The following ARL6IP6 variants were observed in gnomAD, a reference collection of about 807,000 sequenced individuals.
The protein encoded by ARL6IP6 is ADP-ribosylation factor-like protein 6-interacting protein 6.
In ARL6IP6, 22 loss-of-function variants were observed where a neutral mutation model predicts 21.5. The ratio of observed to expected loss-of-function variants is 1.02; its 90% CI spans 0.73 to 1.46. The LOEUF is 1.46. Among genes scored for constraint, ARL6IP6 ranks in the 40% most tolerant of loss-of-function variants. The pLI, the probability that ARL6IP6 is intolerant of heterozygous loss-of-function variation, is 0.00. For missense variants in ARL6IP6, 388 were observed against 299.8 expected (o/e 1.29, Z -2.17); for synonymous variants, 164 against 125.3 (o/e 1.31, Z -2.06).
chr2:152,722,794 C>A (rs1302053267), intron 2 of ARL6IP6, among the ~76,000 whole-genome samples: 1 of 152,042 alleles, frequency 6.6e-6, no homozygotes, highest in African/African-American at 2.4e-5. Flanking sequence ...TGTAATCCCA[C>A]CTACTCGGGA....
chr2:152,752,281 AC>A (rs1437237806), intron 3 of ARL6IP6, among the ~76,000 whole-genome samples: 1 of 152,188 alleles, frequency 6.6e-6, no homozygotes, highest in Non-Finnish European at 1.5e-5. Context: ...AATAATAAGA[AC>A]CATTTTGGAA....
upstream of ARL6IP6, chr2:152,717,805 G>A (rs965498326): frequency 3.5e-5 from 41 of 1,161,052 alleles, no homozygotes; most frequent in East Asian, 8.0e-4. Flanking sequence ...CACCCTCCCC[G>A]CCCGAGTTAC....
chr2:152,747,843 T>C (rs888396199), intron 3 of ARL6IP6, among the ~76,000 whole-genome samples: 1 of 152,256 alleles, frequency 6.6e-6, no homozygotes, highest in South Asian at 2.1e-4. Flanking sequence ...AGTGCTAGGA[T>C]TGCAGGCGTG....
chr2:152,742,559 G>A (rs1700862148), intron 3 of ARL6IP6, among the ~76,000 whole-genome samples: 1 of 121,824 alleles, frequency 8.2e-6, no homozygotes, highest in African/African-American at 3.1e-5. Context: ...GACAGAGCAA[G>A]ATACGCTCTT....
chr2:152,745,094 G>A (rs569189539), intron 3 of ARL6IP6, among the ~76,000 whole-genome samples: 1 of 152,112 alleles, frequency 6.6e-6, no homozygotes, highest in African/African-American at 2.4e-5. Flanking sequence ...AAAATACTTT[G>A]ACATGTGAAT....
chr2:152,740,332 C>A (rs1056367112), intron 3 of ARL6IP6, among the ~76,000 whole-genome samples: 5 of 152,128 alleles, frequency 3.3e-5, no homozygotes, highest in African/African-American at 4.8e-5. Context: ...ACCCTGAGTT[C>A]AAGCAGCCTG....
At chr2:152,731,451 G>A (rs957037501) in intron 2 of ARL6IP6, among the ~76,000 whole-genome samples, 12 of 152,196 alleles carry the variant, frequency 7.9e-5, no homozygotes, top group South Asian at 4.1e-4. Context: ...TTGATAATTC[G>A]TAAGTCATCT....
intron 2 of ARL6IP6, among the ~76,000 whole-genome samples, chr2:152,723,321 G>C (rs537629369): frequency 6.6e-6 from 1 of 152,278 alleles, no homozygotes; most frequent in East Asian, 1.9e-4. Context: ...AGATGATAAC[G>C]ATTTTATTAT....
At chr2:152,756,305 AAC>A (rs1475685211) in intron 3 of ARL6IP6, among the ~76,000 whole-genome samples, 20 of 152,298 alleles carry the variant, frequency 1.3e-4, no homozygotes, top group Middle Eastern at 3.4e-3. Flanking sequence ...AGTGTCCTAT[AAC>A]ACAAAAAATA....
upstream of ARL6IP6, chr2:152,717,976 T>C: frequency 1.0e-6 from 1 of 1,001,398 alleles, no homozygotes; most frequent in Non-Finnish European, 1.2e-6. Flanking sequence ...AGGAGAGGGT[T>C]CGATCTCCGT....
At chr2:152,721,577 T>C (rs1699792046) in intron 2 of ARL6IP6, among the ~76,000 whole-genome samples, 1 of 152,222 alleles carries the variant, frequency 6.6e-6, no homozygotes, top group Non-Finnish European at 1.5e-5. Flanking sequence ...GGAGGGGAGA[T>C]CAAACTTAAT....
Position 152,759,858 on chromosome 2 carries a change from ATTG to A in ARL6IP6, c.*22_*24del. On this transcript the variant is annotated 3_prime_UTR_variant, in exon 4 of 4. Transcript: ENST00000326446. Reference sequence around the variant, plus strand: ...TCATGTAAACCCACACTGGAGCGATATTGTTGGCAAAACTTAATCATGATTGTT... The same window carrying A: ...TCATGTAAACCCACACTGGAGCGATATTGGCAAAACTTAATCATGATTGTT... 6.3e-7 allele frequency: 1 copy of A among 1,587,838 alleles called. No individual in the cohort carries two copies. Among genetic ancestry groups the A allele is most frequent in the Non-Finnish European group, 8.6e-7 (1 of 1,156,584 alleles).
intron 2 of ARL6IP6, among the ~76,000 whole-genome samples, chr2:152,724,995 A>C (rs1294057471): frequency 1.3e-5 from 2 of 152,194 alleles, no homozygotes. Context: ...GAAGTAACTT[A>C]ATTGGCTGTA....
chr2:152,724,662 G>A (rs1699953640), intron 2 of ARL6IP6, among the ~76,000 whole-genome samples: 1 of 152,178 alleles, frequency 6.6e-6, no homozygotes, highest in Non-Finnish European at 1.5e-5. Context: ...CAACTTTGGT[G>A]GTTGGGAGGG....
chr2:152,758,553 A>G (rs1211658335), intron 3 of ARL6IP6, among the ~76,000 whole-genome samples: 8 of 152,190 alleles, frequency 5.3e-5, no homozygotes, highest in African/African-American at 1.9e-4. Flanking sequence ...ATAGGTAGGT[A>G]GATTAACCCT....
chr2:152,753,899 C>T (rs1701454978), intron 3 of ARL6IP6, among the ~76,000 whole-genome samples: 1 of 152,126 alleles, frequency 6.6e-6, no homozygotes, highest in South Asian at 2.1e-4. Context: ...GACGGGGTTT[C>T]ACCATGTTAG....
upstream of ARL6IP6, chr2:152,717,960 G>T (rs1221491719): frequency 2.0e-6 from 2 of 1,008,938 alleles, no homozygotes; most frequent in Non-Finnish European, 2.4e-6. Flanking sequence ...GAAAGGAGGG[G>T]TTCGGAGGAG....
intron 3 of ARL6IP6, among the ~76,000 whole-genome samples, chr2:152,754,098 TTAAG>T (rs1701468063): frequency 6.6e-6 from 1 of 152,062 alleles, no homozygotes; most frequent in Non-Finnish European, 1.5e-5. Context: ...CTTAAAATGA[TTAAG>T]TATTTAATAT....
rs953231116 is a variant in ARL6IP6, at chr2:152,718,658, C to G, written c.34C>G (p.Leu12Val). 1 of 1,565,112 alleles carries G rather than the reference C, an allele frequency of 6.4e-7. No individual in the cohort carries two copies. Residue 12 changes from leucine to valine, a missense_variant, in exon 1 of 4, where the codon CTG becomes GTG. Leu to Val is a conservative substitution (Grantham distance 32). Transcript: ENST00000326446. ...TGCTGAGAGCGGGTGGCGGTCGGCTCTGCGGCGCCGCGGTCCCGGCACCCC... is the reference window on the plus strand; with the variant it reads ...TGCTGAGAGCGGGTGGCGGTCGGCTGTGCGGCGCCGCGGTCCCGGCACCCC... ...SFAESGWRSA[L>V]RRRGPGTPGP...
Sources: gnomAD v4.1 joint callset for allele counts (sites outside exome capture counted in the v4.1 genomes callset) on GRCh38, gnomAD v4.1.1 for gene constraint, MANE v1.5 for transcripts, NCBI Gene and HGNC (gene_info 2026-07-23, HGNC 2026-07-21) for gene names.